The following SOBP variants were observed in gnomAD, a reference collection of about 807,000 sequenced individuals.
SOBP encodes sine oculis-binding protein homolog.
SOBP carries 4 observed loss-of-function variants against 53.6 expected under a neutral mutation model. The ratio of observed to expected loss-of-function variants is 0.07; its 90% CI spans 0.04 to 0.17. The LOEUF (loss-of-function observed/expected upper bound fraction) is 0.17, where lower values mean the gene tolerates loss of function less well. Ranked by LOEUF, SOBP falls within the 10% of genes least tolerant of loss-of-function variation. The pLI, the probability that SOBP is intolerant of heterozygous loss-of-function variation, is 1.00. For synonymous variants in SOBP, 584 were observed against 522.6 expected, an observed-to-expected ratio of 1.12 and a Z score of -1.60; for missense variants, 1,088 against 1,204.7, an observed-to-expected ratio of 0.90 and a Z score of 1.43.
At chr6:107,515,613 G>A (rs1313095297) in intron 3 of SOBP, among the ~76,000 whole-genome samples, 2 of 152,146 alleles carry the variant, frequency 1.3e-5, no homozygotes, top group African/African-American at 2.4e-5. Context: ...GCTGGGCATG[G>A]TGGCACATGC....
At chr6:107,569,839 C>T (rs139021403) in intron 4 of SOBP, among the ~76,000 whole-genome samples, 62 of 152,324 alleles carry the variant, frequency 4.1e-4, no homozygotes, top group African/African-American at 1.2e-3. Context: ...CTCCAGGCCT[C>T]GCCCCACCTG....
rs550190669 is a variant in SOBP at position 107,644,027 on chromosome 6, C to T, written c.*3+8558C>T. Among the ~76,000 whole-genome samples the T allele has an allele frequency of 2.0e-4, 30 of 152,308 alleles. No homozygotes were observed. The East Asian group carries it at 3.9e-3, about 20-fold the overall frequency. On this transcript the variant is annotated intron_variant, in intron 6 of 6. Transcript: ENST00000317357. ...AACCGTATTGAGTCCCACACGTGAGCGTGGTGGCTCACTCCTGTAATCCCA... is the reference window on the plus strand; with the variant it reads ...AACCGTATTGAGTCCCACACGTGAGTGTGGTGGCTCACTCCTGTAATCCCA...
chr6:107,539,941 T>C (rs1162506396), intron 4 of SOBP, among the ~76,000 whole-genome samples: 3 of 152,202 alleles, frequency 2.0e-5, no homozygotes, highest in East Asian at 1.9e-4. Context: ...TGTGAGACTT[T>C]ATTAATAAAA....
chr6:107,528,897 A>G (rs1185360794), intron 3 of SOBP, among the ~76,000 whole-genome samples: 1 of 152,222 alleles, frequency 6.6e-6, no homozygotes, highest in Non-Finnish European at 1.5e-5. Flanking sequence ...TTGTGTGATT[A>G]GGAGCAAATT....
At chr6:107,640,740 G>A (rs1366163370) in intron 6 of SOBP, among the ~76,000 whole-genome samples, 1 of 152,176 alleles carries the variant, frequency 6.6e-6, no homozygotes, top group Non-Finnish European at 1.5e-5. Flanking sequence ...GATGGAATAT[G>A]AAATGACATC....
At chr6:107,625,470 T>A (rs1196648968) in intron 5 of SOBP, among the ~76,000 whole-genome samples, 1 of 152,204 alleles carries the variant, frequency 6.6e-6, no homozygotes, top group African/African-American at 2.4e-5. Context: ...GTGATGTCAC[T>A]AGGAGCAGCT....
intron 5 of SOBP, among the ~76,000 whole-genome samples, chr6:107,616,086 G>C (rs1460631220): frequency 1.1e-5 from 1 of 93,078 alleles, no homozygotes; most frequent in African/African-American, 3.9e-5. Context: ...AAGGGGGGTG[G>C]GGGGGGGGCG....
At chr6:107,539,323 T>A (rs1784087821) in intron 4 of SOBP, among the ~76,000 whole-genome samples, 1 of 152,178 alleles carries the variant, frequency 6.6e-6, no homozygotes, top group Non-Finnish European at 1.5e-5. Context: ...TCGAAATAGC[T>A]TCAAGCCCCA....
intron 1 of SOBP, among the ~76,000 whole-genome samples, chr6:107,495,757 G>T (rs1451520430): frequency 6.6e-6 from 1 of 152,164 alleles, no homozygotes; most frequent in Non-Finnish European, 1.5e-5. Context: ...CTAGGAAAAG[G>T]TAGTCTCTTG....
intron 5 of SOBP, among the ~76,000 whole-genome samples, chr6:107,633,079 G>A (rs1372164760): frequency 2.0e-5 from 3 of 152,144 alleles, no homozygotes; most frequent in Admixed American, 6.5e-5. Flanking sequence ...AAGTGACTTC[G>A]CATGAGGAGA....
At chr6:107,497,565 GAT>G (rs1038924445) in intron 1 of SOBP, among the ~76,000 whole-genome samples, 3 of 151,822 alleles carry the variant, frequency 2.0e-5, no homozygotes, top group Non-Finnish European at 1.5e-5. Flanking sequence ...TCAACATTTT[GAT>G]ATATGTCTTT....
chr6:107,580,318 A>G (rs1785363201), intron 4 of SOBP, among the ~76,000 whole-genome samples: 1 of 152,234 alleles, frequency 6.6e-6, no homozygotes, highest in Admixed American at 6.5e-5. Flanking sequence ...TGACTTGAAT[A>G]TTTGCATAGA....
intron 4 of SOBP, among the ~76,000 whole-genome samples, chr6:107,581,173 T>C (rs1341681380): frequency 6.6e-6 from 1 of 151,950 alleles, no homozygotes; most frequent in African/African-American, 2.4e-5. Context: ...TGCAATGCAA[T>C]AAATTGGTGT....
rs1206157014 is a variant in SOBP, at chr6:107,648,977, G to A, written c.*4-9230G>A. ...TCAGGACTTTGGAAGGCTGAGGTGG[G>A]AGGATCATGAGCCCAGGAGTTTGAG... On this transcript the variant is annotated intron_variant, in intron 6 of 6. Coordinates refer to ENST00000317357, the MANE Select transcript of SOBP (RefSeq NM_018013.4). Among the ~76,000 whole-genome samples, 4 of 151,874 alleles carry A rather than the reference G, an allele frequency of 2.6e-5. No individual in the cohort carries two copies. The East Asian group carries it at 7.7e-4, about 29-fold the overall frequency.
chr6:107,633,405 G>A, intron 5 of SOBP, 109 bp from the exon 6 acceptor site: 1 of 1,348,160 alleles, frequency 7.4e-7, no homozygotes, highest in Non-Finnish European at 1.1e-6. Flanking sequence ...CTGCCTGTTT[G>A]AGAAGTGCTG....
At chr6:107,522,537 C>CTTTTTTT (rs71551313) in intron 3 of SOBP, among the ~76,000 whole-genome samples, 87 of 74,084 alleles carry the variant, frequency 1.2e-3, no homozygotes, top group Non-Finnish European at 1.7e-3. Flanking sequence ...AGTATAAAAA[C>CTTTTTTT]TTTTTTTTTT....
intron 4 of SOBP, among the ~76,000 whole-genome samples, chr6:107,542,279 G>A (rs1425263958): frequency 6.6e-6 from 1 of 152,144 alleles, no homozygotes; most frequent in Non-Finnish European, 1.5e-5. Flanking sequence ...CTAGTTGTGT[G>A]TGAGGAGCTG....
chr6:107,533,271 CAAAAAAAAAAAAAA>C (rs762864049), intron 3 of SOBP, among the ~76,000 whole-genome samples, 174 bp from the exon 4 acceptor site: 21 of 32,814 alleles, frequency 6.4e-4, no homozygotes, highest in Admixed American at 1.2e-3. Context: ...ACTTAGGAGC[CAAAAAAAAAAAAAA>C]AAAAAAAAAA....
intron 4 of SOBP, among the ~76,000 whole-genome samples, chr6:107,565,542 G>A (rs912891399): frequency 4.6e-5 from 7 of 152,082 alleles, no homozygotes; most frequent in African/African-American, 1.7e-4. Flanking sequence ...AGAGAGAGAC[G>A]TAAAGCTGAC....
Sources: allele counts gnomAD v4.1 joint callset (sites outside exome capture counted in the v4.1 genomes callset), GRCh38; gene constraint gnomAD v4.1.1; transcripts MANE v1.5; gene names NCBI Gene and HGNC (gene_info 2026-07-23, HGNC 2026-07-21).